MAST2: variants seen among roughly 807,000 people sequenced by gnomAD.
MAST2 encodes the protein microtubule associated serine/threonine kinase 2, also known as microtubule-associated serine/threonine-protein kinase 2.
A neutral mutation model predicts 147.4 loss-of-function variants in MAST2; 70 were observed. That is an observed-to-expected ratio of 0.47 (90% confidence interval 0.39 to 0.58). The LOEUF is 0.58. Ranked by LOEUF, MAST2 falls within the 20% of genes least tolerant of loss-of-function variation. The pLI is 0.00. For missense variants in MAST2, 2,080 were observed against 2,302.3 expected, an observed-to-expected ratio of 0.90 and a Z score of 1.98; for synonymous variants, 869 against 896.8, an observed-to-expected ratio of 0.97 and a Z score of 0.55.
chr1:45,945,451 G>A (rs1005335988), intron 4 of MAST2, among the ~76,000 whole-genome samples: 1 of 152,160 alleles, frequency 6.6e-6, no homozygotes, highest in African/African-American at 2.4e-5. Context: ...TATTGAAAGT[G>A]GGGGGCCTGG....
chr1:45,822,977 T>G (rs1046249842), intron 1 of MAST2, among the ~76,000 whole-genome samples: 1 of 152,222 alleles, frequency 6.6e-6, no homozygotes, highest in Non-Finnish European at 1.5e-5. Context: ...ATCAATTGTT[T>G]GATTCAGTGC....
chr1:45,980,235 A>G (rs1407147421), intron 5 of MAST2, among the ~76,000 whole-genome samples: 1 of 131,976 alleles, frequency 7.6e-6, no homozygotes, highest in Non-Finnish European at 1.5e-5. Flanking sequence ...AAATCGCCCC[A>G]CTGCACTCCA....
chr1:45,828,022 G>A (rs923076506), intron 2 of MAST2, among the ~76,000 whole-genome samples: 1 of 151,764 alleles, frequency 6.6e-6, no homozygotes. Flanking sequence ...TTGGAGATGA[G>A]GTCTTGCTAT....
chr1:45,886,427 C>T (rs1266231852), intron 4 of MAST2, among the ~76,000 whole-genome samples: 1 of 151,762 alleles, frequency 6.6e-6, no homozygotes, highest in Non-Finnish European at 1.5e-5. Context: ...TCTATGCCTG[C>T]CACGATAAGG....
chr1:45,986,922 C>T (rs1334473909), intron 5 of MAST2, among the ~76,000 whole-genome samples: 1 of 152,070 alleles, frequency 6.6e-6, no homozygotes, highest in East Asian at 1.9e-4. Flanking sequence ...CCCTCCTCTT[C>T]AATTTTCTGG....
At chr1:45,859,202 C>G (rs1645896143) in intron 3 of MAST2, among the ~76,000 whole-genome samples, 2 of 152,130 alleles carry the variant, frequency 1.3e-5, no homozygotes, top group Non-Finnish European at 2.9e-5. Flanking sequence ...TCAAGTGATT[C>G]AGCTGTCTCA....
At chr1:45,839,053 G>A (rs1002429580) in intron 3 of MAST2, among the ~76,000 whole-genome samples, 5 of 151,302 alleles carry the variant, frequency 3.3e-5, no homozygotes, top group Admixed American at 6.6e-5. Flanking sequence ...GGCTCACTGC[G>A]ACCTCCGCCT....
intron 4 of MAST2, among the ~76,000 whole-genome samples, chr1:45,894,269 G>A (rs1237736856): frequency 1.3e-5 from 2 of 151,728 alleles, no homozygotes; most frequent in Non-Finnish European, 2.9e-5. Flanking sequence ...TTTTCTACAC[G>A]TAGGATCTGA....
chr1:45,955,764 G>A (rs530549496), intron 4 of MAST2, among the ~76,000 whole-genome samples: 1 of 152,256 alleles, frequency 6.6e-6, no homozygotes, highest in South Asian at 2.1e-4. Flanking sequence ...TGAGCAGGAG[G>A]GAGAGAGGTC....
intron 4 of MAST2, among the ~76,000 whole-genome samples, chr1:45,956,939 G>A (rs1293427737): frequency 2.0e-5 from 3 of 152,188 alleles, no homozygotes; most frequent in Admixed American, 6.5e-5. Flanking sequence ...AGAGGAATTC[G>A]TCACAATGTG....
chr1:45,996,749 A>T (rs995394998), intron 5 of MAST2, among the ~76,000 whole-genome samples: 4 of 152,180 alleles, frequency 2.6e-5, no homozygotes, highest in Non-Finnish European at 5.9e-5. Context: ...TAAGTGCTAT[A>T]TAAGCCCTAT....
At chr1:46,033,045 G>A (rs985123814) in intron 26 of MAST2, among the ~76,000 whole-genome samples, 14 of 151,970 alleles carry the variant, frequency 9.2e-5, no homozygotes, top group Non-Finnish European at 1.3e-4. Context: ...TTGGGAGGCC[G>A]AGGCGGGTGG....
In MAST2 at chr1:45,821,175, C is replaced by T. The variant is rs75513618; in HGVS notation, c.178-3258C>T. Among the ~76,000 whole-genome samples, 2,214 of 152,140 alleles carry T rather than the reference C, an allele frequency of 0.015. 105 individuals are homozygous for T. The East Asian group carries it at 0.19, about 13-fold the overall frequency. Reference sequence around the variant, plus strand: ...TTGGCCTCCCAGAGTGTTGGGATTACAGGTGTGAGCCACTGCACCCAGCCT... The same window carrying T: ...TTGGCCTCCCAGAGTGTTGGGATTATAGGTGTGAGCCACTGCACCCAGCCT... On this transcript the variant is annotated intron_variant, in intron 1 of 28. Transcript: ENST00000361297.
chr1:45,812,177 C>G (rs184450773), intron 1 of MAST2, among the ~76,000 whole-genome samples: 2 of 152,252 alleles, frequency 1.3e-5, no homozygotes, highest in Admixed American at 6.5e-5. Context: ...GAGAAATCTT[C>G]CGAGTTTTCA....
intron 10 of MAST2, among the ~76,000 whole-genome samples, chr1:46,014,959 A>T (rs1386082914): frequency 2.6e-5 from 4 of 151,920 alleles, no homozygotes; most frequent in Non-Finnish European, 5.9e-5. Flanking sequence ...AAAGAACAGA[A>T]ATTATAACAA....
At chr1:46,003,219 C>T (rs1645345846) in intron 7 of MAST2, among the ~76,000 whole-genome samples, 1 of 152,160 alleles carries the variant, frequency 6.6e-6, no homozygotes, top group Non-Finnish European at 1.5e-5. Context: ...ATCCTTATTT[C>T]TAGAACTGGA....
rs1644794257 is a variant in MAST2, at chr1:45,989,860, T to G, written c.593-7864T>G. Among the ~76,000 whole-genome samples, 2 of 152,216 alleles carry G rather than the reference T, an allele frequency of 1.3e-5. 1 individual carries two copies. Among genetic ancestry groups the G allele is most frequent in the South Asian group, 4.1e-4 (2 of 4,836 alleles). Reference sequence around the variant, plus strand: ...ACATATAGCCTTTCAAATTAGTTTCTTTCACTTAGCAATATGCCTTCAAGG... The same window carrying G: ...ACATATAGCCTTTCAAATTAGTTTCGTTCACTTAGCAATATGCCTTCAAGG... On this transcript the variant is annotated intron_variant, in intron 5 of 28. Coordinates refer to ENST00000361297, the MANE Select transcript of MAST2 (RefSeq NM_015112.3).
intron 3 of MAST2, among the ~76,000 whole-genome samples, chr1:45,834,144 A>G (rs1443988629): frequency 6.6e-6 from 1 of 152,172 alleles, no homozygotes; most frequent in African/African-American, 2.4e-5. Context: ...CCAGCCTCCA[A>G]AGAACTTTTG....
intron 5 of MAST2, among the ~76,000 whole-genome samples, chr1:45,984,119 T>C (rs1277953404): frequency 1.3e-5 from 2 of 152,160 alleles, no homozygotes; most frequent in Non-Finnish European, 2.9e-5. Flanking sequence ...TTTAAAAATA[T>C]AAAACTATAA....
Sources: gnomAD v4.1 joint callset for allele counts (sites outside exome capture counted in the v4.1 genomes callset) on GRCh38, gnomAD v4.1.1 for gene constraint, MANE v1.5 for transcripts, NCBI Gene and HGNC (gene_info 2026-07-23, HGNC 2026-07-21) for gene names.